The following GPR39 variants were observed in gnomAD, a reference collection of about 807,000 sequenced individuals.
GPR39 encodes the protein zinc sensing receptor.
GPR39 carries 23 observed loss-of-function variants against 18.4 expected under a neutral mutation model. That is an observed-to-expected ratio of 1.25 (90% CI 0.90 to 1.77). The LOEUF (loss-of-function observed/expected upper bound fraction) is 1.77. GPR39 is among the 40% of genes most tolerant of loss of function. The probability of loss-of-function intolerance (pLI) is 0.00; values close to 1 mark genes in which losing one functional copy is unlikely to be tolerated. For missense variants in GPR39, 647 were observed against 602.4 expected (o/e 1.07, Z -0.78); for synonymous variants, 280 against 257.9 (o/e 1.09, Z -0.82).
chr2:132,597,444 G>T (rs1291311641), intron 1 of GPR39, among the ~76,000 whole-genome samples: 1 of 152,218 alleles, frequency 6.6e-6, no homozygotes. Context: ...TTCCTTGACA[G>T]TCTCTTCACT....
intron 1 of GPR39, among the ~76,000 whole-genome samples, chr2:132,566,660 G>A (rs72841210): frequency 0.12 from 18,432 of 152,230 alleles, 1,329 homozygotes; most frequent in East Asian, 0.26. Flanking sequence ...CAGTATTGGT[G>A]AGAGTGTGGG....
chr2:132,565,212 A>G (rs535182521), intron 1 of GPR39, among the ~76,000 whole-genome samples: 3 of 152,030 alleles, frequency 2.0e-5, no homozygotes, highest in East Asian at 1.9e-4. Flanking sequence ...GATGCTTCCT[A>G]TGTGATTCCA....
chr2:132,493,131 A>G (rs1357513189), intron 1 of GPR39, among the ~76,000 whole-genome samples: 3 of 144,300 alleles, frequency 2.1e-5, no homozygotes, highest in Non-Finnish European at 4.5e-5. Flanking sequence ...TTCCATATAT[A>G]TACCATATAT....
chr2:132,590,989 C>T (rs1166406613), intron 1 of GPR39, among the ~76,000 whole-genome samples: 8 of 152,004 alleles, frequency 5.3e-5, no homozygotes, highest in Admixed American at 3.9e-4. Flanking sequence ...CGGTGGCTCA[C>T]GCCTGTAATC....
intron 1 of GPR39, among the ~76,000 whole-genome samples, chr2:132,420,337 T>C (rs1054592581): frequency 1.4e-4 from 21 of 152,174 alleles, no homozygotes; most frequent in Admixed American, 7.2e-4. Flanking sequence ...ACCTCACTAA[T>C]TAACTCAAGT....
chr2:132,579,407 A>G (rs973863781), intron 1 of GPR39, among the ~76,000 whole-genome samples: 10 of 152,230 alleles, frequency 6.6e-5, no homozygotes, highest in Middle Eastern at 3.4e-3. Context: ...TTCTGTGGGA[A>G]CTTGAAAAGA....
At chr2:132,539,517 T>C (rs554819311) in intron 1 of GPR39, among the ~76,000 whole-genome samples, 4 of 152,314 alleles carry the variant, frequency 2.6e-5, no homozygotes, top group Admixed American at 6.5e-5. Flanking sequence ...GCCCCCACTA[T>C]GCTAGAGTGT....
intron 1 of GPR39, among the ~76,000 whole-genome samples, chr2:132,477,957 T>A (rs912123950): frequency 1.3e-5 from 2 of 152,188 alleles, no homozygotes; most frequent in African/African-American, 4.8e-5. Context: ...ATCCTAGAAA[T>A]TTACTAATTT....
intron 1 of GPR39, among the ~76,000 whole-genome samples, chr2:132,584,913 ACT>A (rs1033250347): frequency 1.3e-5 from 2 of 152,194 alleles, no homozygotes; most frequent in African/African-American, 4.8e-5. Context: ...TTCTGGAGAC[ACT>A]GATTTCCACA....
At chr2:132,549,791 A>G (rs1216883600) in intron 1 of GPR39, among the ~76,000 whole-genome samples, 3 of 152,200 alleles carry the variant, frequency 2.0e-5, no homozygotes, top group South Asian at 4.1e-4. Flanking sequence ...CGTCTCAAAA[A>G]AAAAAGAGCT....
chr2:132,486,719 TG>T (rs1234467263), intron 1 of GPR39, among the ~76,000 whole-genome samples: 1 of 152,220 alleles, frequency 6.6e-6, no homozygotes, highest in African/African-American at 2.4e-5. Flanking sequence ...GATTAGGCTT[TG>T]GGTTAAGGGA....
At chr2:132,440,176 A>G (rs1680408501) in intron 1 of GPR39, among the ~76,000 whole-genome samples, 1 of 152,144 alleles carries the variant, frequency 6.6e-6, no homozygotes, top group Admixed American at 6.5e-5. Flanking sequence ...GCCATCTCCA[A>G]AGGACAGAGT....
intron 1 of GPR39, among the ~76,000 whole-genome samples, chr2:132,642,610 C>G (rs1230752462): frequency 6.6e-6 from 1 of 152,190 alleles, no homozygotes; most frequent in Non-Finnish European, 1.5e-5. Context: ...AGAAGAAAAG[C>G]AATGTTATCA....
At chr2:132,425,385 G>T (rs2104755178) in intron 1 of GPR39, among the ~76,000 whole-genome samples, 1 of 151,822 alleles carries the variant, frequency 6.6e-6, no homozygotes, top group Non-Finnish European at 1.5e-5. Flanking sequence ...GCCATGCATT[G>T]CTTGAGAGAT....
intron 1 of GPR39, 36 bp from the exon 2 acceptor site, chr2:132,645,065 T>TTTC: frequency 6.3e-7 from 1 of 1,578,888 alleles, no homozygotes; most frequent in Non-Finnish European, 8.6e-7. Context: ...GTGTTTTTCT[T>TTTC]TTCTCTGTCT....
chr2:132,523,205 T>C (rs1679454002), intron 1 of GPR39, among the ~76,000 whole-genome samples: 1 of 152,262 alleles, frequency 6.6e-6, no homozygotes, highest in Non-Finnish European at 1.5e-5. Context: ...GGTATTCACC[T>C]GTTAAACATT....
At chr2:132,472,481 T>C (rs1276793859) in intron 1 of GPR39, among the ~76,000 whole-genome samples, 1 of 152,094 alleles carries the variant, frequency 6.6e-6, no homozygotes, top group East Asian at 1.9e-4. Flanking sequence ...GGGAGGCCAC[T>C]CTTGAGTGAG....
At chr2:132,461,004 A>G (rs1680821410) in intron 1 of GPR39, among the ~76,000 whole-genome samples, 1 of 152,130 alleles carries the variant, frequency 6.6e-6, no homozygotes, top group Non-Finnish European at 1.5e-5. Context: ...GAGGGGTGTA[A>G]CCTGTGCTGG....
intron 1 of GPR39, among the ~76,000 whole-genome samples, chr2:132,520,325 C>T (rs1193734153): frequency 6.6e-6 from 1 of 152,236 alleles, no homozygotes; most frequent in Non-Finnish European, 1.5e-5. Flanking sequence ...GTGTAACCAT[C>T]TGCCATCTGC....
Sources: allele counts gnomAD v4.1 joint callset (sites outside exome capture counted in the v4.1 genomes callset), GRCh38; gene constraint gnomAD v4.1.1; transcripts MANE v1.5; gene names NCBI Gene and HGNC (gene_info 2026-07-23, HGNC 2026-07-21).